Variants in ERCC4 observed in about 807,000 individuals in gnomAD.
The protein encoded by ERCC4 is ERCC excision repair 4, endonuclease catalytic subunit.
In ERCC4, 65 loss-of-function variants were observed where a neutral mutation model predicts 76.9. That is an observed-to-expected ratio of 0.84 (90% confidence interval 0.69 to 1.04). The LOEUF (loss-of-function observed/expected upper bound fraction) is 1.04. Ranked by LOEUF, ERCC4 falls within the 50% of genes least tolerant of loss-of-function variation. The pLI is 0.00. For synonymous variants in ERCC4, 463 were observed against 410.1 expected, an observed-to-expected ratio of 1.13 and a Z score of -1.56; for missense variants, 1,214 against 1,128.2, an observed-to-expected ratio of 1.08 and a Z score of -1.09.
At chr16:13,934,055 C>A in intron 6 of ERCC4, 137 bp from the exon 7 acceptor site, 2 of 601,488 alleles carry the variant, frequency 3.3e-6, no homozygotes, top group Non-Finnish European at 2.9e-6. Flanking sequence ...AAGCAGATTC[C>A]ATCTAACATT....
chr16:13,942,965 T>C (rs2032443738), intron 9 of ERCC4, among the ~76,000 whole-genome samples: 1 of 152,224 alleles, frequency 6.6e-6, no homozygotes, highest in African/African-American at 2.4e-5. Flanking sequence ...GCCAGAGCCA[T>C]TGCCATTGCA....
rs1596637320 is a variant in ERCC4, at chr16:13,948,594, T to C, written c.*247T>C. 5 of 512,226 alleles carry C rather than the reference T, an allele frequency of 9.8e-6. No homozygotes were observed. In the East Asian group the frequency reaches 1.7e-4, roughly 18 times the overall value. 31.7% of individuals were successfully genotyped at this position (512,226 alleles called of 1,614,324 possible). On this transcript the variant is annotated 3_prime_UTR_variant, in exon 11 of 11. Coordinates refer to ENST00000311895, the MANE Select transcript of ERCC4 (RefSeq NM_005236.3). ...CGGGCTTAGCATGTTTCTTTTTAAA[T>C]GAGGTTTGTCAGGATCAGGTAAAGT...
At chr16:13,925,846 A>G (rs552878157) in intron 2 of ERCC4, among the ~76,000 whole-genome samples, 26 of 152,310 alleles carry the variant, frequency 1.7e-4, no homozygotes, top group Admixed American at 4.6e-4. Context: ...CACAATATAT[A>G]TGAAAGATCT....
intron 9 of ERCC4, among the ~76,000 whole-genome samples, chr16:13,939,369 A>C (rs2032369001): frequency 6.6e-6 from 1 of 152,188 alleles, no homozygotes; most frequent in South Asian, 2.1e-4. Flanking sequence ...AAAGACAGAC[A>C]TTAAATTATT....
chr16:13,946,313 A>G (rs1013350021), intron 10 of ERCC4, among the ~76,000 whole-genome samples: 1 of 152,262 alleles, frequency 6.6e-6, no homozygotes, highest in Non-Finnish European at 1.5e-5. Context: ...ACACAAAGCT[A>G]GACGGTCTAG....
In ERCC4 at chr16:13,935,217, G is replaced by T; in HGVS notation, c.1285G>T (p.Glu429Ter). Residue 429 changes from glutamate to a stop codon, truncating the protein, a stop_gained, in exon 8 of 11, where the codon GAG becomes TAG. Coordinates refer to ENST00000311895, the MANE Select transcript of ERCC4 (RefSeq NM_005236.3). LOFTEE classifies it high-confidence loss of function. ...GAGAGACTATATCACTCTTGGAGCG[G>T]AGGCCTTCTTATTGAGGCTCTACAG... is the stretch of plus-strand genomic sequence containing the variant. ...QLRDYITLGA[E>*]AFLLRLYRKT... 6.2e-7 allele frequency: 1 copy of T among 1,614,096 alleles called. No homozygotes were observed. Among genetic ancestry groups the T allele is most frequent in the African/African-American group, 1.3e-5 (1 of 75,038 alleles).
Position 13,948,424 on chromosome 16 carries a change from T to C in ERCC4, c.*77T>C, listed in dbSNP as rs981391136. 3.3e-6 allele frequency: 5 copies of C among 1,499,662 alleles called. No homozygotes were observed. Among genetic ancestry groups the C allele is most frequent in the Non-Finnish European group, 3.7e-6 (4 of 1,090,274 alleles). 92.9% of individuals were successfully genotyped at this position (1,499,662 alleles called of 1,614,324 possible). A position where few individuals can be genotyped will look rare whatever the true frequency, so the allele number is the denominator to read the frequency against. Reference sequence around the variant, plus strand: ...GCCAGACATCATAGGTCATTATTAATTATTGGTTTGCTATTTCATTCTTTT... The same window carrying C: ...GCCAGACATCATAGGTCATTATTAACTATTGGTTTGCTATTTCATTCTTTT... On this transcript the variant is annotated 3_prime_UTR_variant, in exon 11 of 11. Coordinates refer to ENST00000311895, the MANE Select transcript of ERCC4 (RefSeq NM_005236.3).
intron 8 of ERCC4, among the ~76,000 whole-genome samples, chr16:13,937,543 T>G (rs757069453): frequency 6.6e-6 from 1 of 152,212 alleles, no homozygotes; most frequent in Non-Finnish European, 1.5e-5. Context: ...TTCTTCCTTT[T>G]GGCAAAAGAA....
chr16:13,943,718 C>G (rs2032459159), intron 9 of ERCC4, among the ~76,000 whole-genome samples: 1 of 152,032 alleles, frequency 6.6e-6, no homozygotes, highest in Admixed American at 6.6e-5. Flanking sequence ...ATCGCAGTTC[C>G]TCAGTTCCAG....
Position 13,935,361 on chromosome 16 carries a change from C to CG in ERCC4, c.1432dup (p.Ala478GlyfsTer25). The CG allele has an allele frequency of 6.2e-7, 1 of 1,606,554 alleles. No homozygotes were observed. The stretch of plus-strand genomic sequence containing the variant: ...ACCTAAAGACCCCCAAAACAAAGAA[C>CG]GGGCTTCTACCAAAGAAAGAACCCT... On this transcript the variant is annotated frameshift_variant, in exon 8 of 11. Transcript: ENST00000311895. LOFTEE classifies it high-confidence loss of function.
chr16:13,937,624 G>T (rs1221815529), intron 8 of ERCC4, 142 bp from the exon 9 acceptor site: 5 of 698,436 alleles, frequency 7.2e-6, no homozygotes, highest in African/African-American at 1.8e-5. Flanking sequence ...TTGAGCTAGT[G>T]TGTGATAAAT....
At chr16:13,925,362 C>T (rs2032052706) in intron 2 of ERCC4, among the ~76,000 whole-genome samples, 1 of 152,264 alleles carries the variant, frequency 6.6e-6, no homozygotes, top group East Asian at 1.9e-4. Flanking sequence ...TCTTAGAGTC[C>T]TTGGGAAAAC....
Position 13,923,973 on chromosome 16 carries a change from G to A in ERCC4, c.388+1762G>A, listed in dbSNP as rs1018734827. On this transcript the variant is annotated intron_variant, in intron 2 of 10. Coordinates refer to ENST00000311895, the MANE Select transcript of ERCC4 (RefSeq NM_005236.3). ...AGAGAGCAATGTGAATTTATGCAAC[G>A]TTGAAGTCTGGCTTATCTGTAGCTC... Among the ~76,000 whole-genome samples the A allele has an allele frequency of 3.3e-5, 5 of 152,294 alleles. No individual in the cohort carries two copies. The East Asian group carries it at 9.6e-4, about 29-fold the overall frequency.
At chr16:13,937,349 A>T (rs2032320804) in intron 8 of ERCC4, among the ~76,000 whole-genome samples, 1 of 152,134 alleles carries the variant, frequency 6.6e-6, no homozygotes, top group African/African-American at 2.4e-5. Flanking sequence ...ACATGAATTA[A>T]AAAAAACGTT....
chr16:13,924,369 A>G (rs937917418), intron 2 of ERCC4, among the ~76,000 whole-genome samples: 1 of 152,228 alleles, frequency 6.6e-6, no homozygotes, highest in Non-Finnish European at 1.5e-5. Context: ...TTTCATTGCC[A>G]AAACTGACCC....
chr16:13,930,608 T>C, intron 4 of ERCC4, 102 bp from the exon 5 acceptor site: 1 of 894,560 alleles, frequency 1.1e-6, no homozygotes, highest in East Asian at 2.6e-5. Context: ...ATTTTAACCA[T>C]TTTTAGATAC....
rs757357288 is a variant in ERCC4 at position 13,928,269 on chromosome 16, GT to G, written c.792+36del. On this transcript the variant is annotated intron_variant, in intron 4 of 10. Transcript: ENST00000311895. ...TTTCCTTTTAAGCACAGTTTATTAT[GT>G]TGTAATTTTAAAGAATGCAAGTTAT... 27 of 1,405,576 alleles carry G rather than the reference GT, an allele frequency of 1.9e-5. No individual in the cohort carries two copies. The East Asian group carries it at 4.8e-4, about 25-fold the overall frequency. 87.1% of individuals were successfully genotyped at this position (1,405,576 alleles called of 1,614,324 possible).
Position 13,926,629 on chromosome 16 carries a change from C to T in ERCC4, c.457C>T (p.Arg153Cys), listed in dbSNP as rs1307031587. ...CQEAFILRLF[R>C]QKNKRGFIKA... is the part of the protein sequence containing the mutation. ...AGAAGCATTCATCTTGCGCCTCTTT[C>T]GCCAGAAAAACAAACGTGGTTTTAT... The change falls in exon 3 of 11, where the codon CGC becomes TGC. Residue 153 changes from arginine (R) to cysteine (C), a missense_variant. Transcript: ENST00000311895. 6.2e-6 allele frequency: 10 copies of T among 1,614,126 alleles called. No individual in the cohort carries two copies. Among genetic ancestry groups the T allele is most frequent in the Non-Finnish European group, 8.5e-6 (10 of 1,180,012 alleles).
chr16:13,943,355 A>G (rs542214919), intron 9 of ERCC4, among the ~76,000 whole-genome samples: 4 of 152,292 alleles, frequency 2.6e-5, no homozygotes, highest in African/African-American at 9.6e-5. Context: ...GCCTTGGGAA[A>G]CTTACAATCA....
Sources: gnomAD v4.1 joint callset for allele counts (sites outside exome capture counted in the v4.1 genomes callset) on GRCh38, gnomAD v4.1.1 for gene constraint, MANE v1.5 for transcripts, NCBI Gene and HGNC (gene_info 2026-07-23, HGNC 2026-07-21) for gene names.